Variants in SYT14 observed in about 807,000 individuals in gnomAD.
The protein encoded by SYT14 is synaptotagmin-14.
Under a neutral mutation model 74.2 loss-of-function variants are expected in SYT14, and 32 were observed. That is an observed-to-expected ratio of 0.43 (90% CI 0.33 to 0.58). The LOEUF is 0.58. Ranked by LOEUF, SYT14 falls within the 20% of genes least tolerant of loss-of-function variation. The probability of loss-of-function intolerance (pLI) is 0.05; values close to 1 mark genes in which losing one functional copy is unlikely to be tolerated. For synonymous variants in SYT14, 298 were observed against 337.7 expected (o/e 0.88, Z 1.29); for missense variants, 791 against 981.8 (o/e 0.81, Z 2.60).
chr1:210,114,505 T>G (rs2082321354), intron 7 of SYT14, among the ~76,000 whole-genome samples: 1 of 150,680 alleles, frequency 6.6e-6, no homozygotes, highest in Admixed American at 6.6e-5. Flanking sequence ...GGGAGCAGAT[T>G]GGGTAATAAA....
intron 7 of SYT14, among the ~76,000 whole-genome samples, chr1:210,135,588 T>G (rs1472398889): frequency 6.6e-6 from 1 of 152,214 alleles, no homozygotes; most frequent in African/African-American, 2.4e-5. Flanking sequence ...TTTTTATCAA[T>G]TGACTTTTTT....
At chr1:210,086,765 T>A (rs2081741707) in intron 5 of SYT14, among the ~76,000 whole-genome samples, 1 of 152,222 alleles carries the variant, frequency 6.6e-6, no homozygotes, top group Admixed American at 6.5e-5. Flanking sequence ...TGCACACATA[T>A]ATGCACATTT....
At chr1:210,079,189 C>A (rs1481241668) in intron 5 of SYT14, among the ~76,000 whole-genome samples, 2 of 151,846 alleles carry the variant, frequency 1.3e-5, no homozygotes, top group African/African-American at 4.8e-5. Flanking sequence ...CTACAGAGAT[C>A]ATTTCAATTT....
rs193204656 is a variant in SYT14 at position 210,015,700 on chromosome 1, C to A, written c.-304C>A. Reference sequence around the variant, plus strand: ...TTTTTTCAGGTGTAGAATAAAAAACCAATAGTATTTGAGGGAAAAATATTG... The same window carrying A: ...TTTTTTCAGGTGTAGAATAAAAAACAAATAGTATTTGAGGGAAAAATATTG... On this transcript the variant is annotated 5_prime_UTR_variant, in exon 4 of 10. Coordinates refer to ENST00000637265, the Ensembl canonical transcript of SYT14. 942 of 222,680 alleles carry A rather than the reference C, an allele frequency of 4.2e-3. 8 individuals carry two copies. The highest frequency in any genetic ancestry group is 0.02 in the African/African-American group (897 of 43,846). 13.8% of individuals were successfully genotyped at this position (222,680 alleles called of 1,614,324 possible).
At chr1:210,111,402 C>T (rs1431801561) in intron 7 of SYT14, among the ~76,000 whole-genome samples, 1 of 150,998 alleles carries the variant, frequency 6.6e-6, no homozygotes, top group Non-Finnish European at 1.5e-5. Context: ...CATTCAGTTA[C>T]TTCAGGCCAT....
In SYT14 at chr1:210,053,050, C is replaced by G. The variant is rs985259171; in HGVS notation, c.1312+31796C>G. On this transcript the variant is annotated intron_variant, in intron 5 of 9. Coordinates refer to ENST00000637265, the Ensembl canonical transcript of SYT14. ...TTTATTTGTACATAAGGACAAAGCC[C>G]AGATCAAAGAAGGGCAAATTACACC... Among the ~76,000 whole-genome samples the G allele has an allele frequency of 2.6e-5, 4 of 152,188 alleles. No homozygotes were observed. In the East Asian group the frequency reaches 7.7e-4, roughly 29 times the overall value.
chr1:210,135,410 G>T (rs1224231206), intron 7 of SYT14, among the ~76,000 whole-genome samples: 1 of 152,162 alleles, frequency 6.6e-6, no homozygotes, highest in Non-Finnish European at 1.5e-5. Flanking sequence ...ATCTCAGATA[G>T]ATTTTTCAGC....
intron 1 of SYT14, among the ~76,000 whole-genome samples, chr1:209,939,881 CCTTT>C (rs2078701626): frequency 6.6e-6 from 1 of 152,138 alleles, no homozygotes; most frequent in Non-Finnish European, 1.5e-5. Flanking sequence ...CTTAGTTCTT[CCTTT>C]CTTTCTACTG....
intron 7 of SYT14, among the ~76,000 whole-genome samples, chr1:210,138,265 G>A (rs1164520461): frequency 6.6e-6 from 1 of 152,138 alleles, no homozygotes; most frequent in Non-Finnish European, 1.5e-5. Context: ...CCTGTGCAGG[G>A]GAACTGCCCT....
intron 7 of SYT14, among the ~76,000 whole-genome samples, chr1:210,105,641 A>G (rs2082144485): frequency 6.6e-6 from 1 of 152,162 alleles, no homozygotes; most frequent in Non-Finnish European, 1.5e-5. Flanking sequence ...TGAAGCAGGT[A>G]ATATAGTTTG....
At chr1:210,078,241 C>T (rs1465932634) in intron 5 of SYT14, among the ~76,000 whole-genome samples, 4 of 128,006 alleles carry the variant, frequency 3.1e-5, no homozygotes, top group South Asian at 2.6e-4. Flanking sequence ...ACCCGGGAGG[C>T]AGAGCTTGCA....
chr1:210,150,959 T>C (rs188885991), intron 7 of SYT14, among the ~76,000 whole-genome samples: 229 of 152,336 alleles, frequency 1.5e-3, no homozygotes, highest in African/African-American at 4.6e-3. Flanking sequence ...TAAGTAAATG[T>C]AATGGCCACC....
intron 2 of SYT14, among the ~76,000 whole-genome samples, chr1:209,994,641 A>G (rs227195): frequency 0.54 from 82,530 of 151,892 alleles, 23,707 homozygotes; most frequent in African/African-American, 0.73. Flanking sequence ...TACAGAGAAC[A>G]CCAGCTAGAT....
intron 5 of SYT14, among the ~76,000 whole-genome samples, chr1:210,044,453 C>G (rs931679257): frequency 6.6e-6 from 1 of 152,166 alleles, no homozygotes; most frequent in African/African-American, 2.4e-5. Flanking sequence ...GGCATCTTTC[C>G]TTTTGTGGAA....
At chr1:210,038,015 C>A (rs1397638320) in intron 5 of SYT14, among the ~76,000 whole-genome samples, 1 of 151,990 alleles carries the variant, frequency 6.6e-6, no homozygotes, top group Non-Finnish European at 1.5e-5. Flanking sequence ...TCTCGATGAT[C>A]TGTCTCATGC....
chr1:210,045,554 GA>G (rs2080869580), intron 5 of SYT14, among the ~76,000 whole-genome samples: 1 of 152,130 alleles, frequency 6.6e-6, no homozygotes. Context: ...TGAAGGCATT[GA>G]AAAGAGCCGC....
At chr1:210,156,881 G>C (rs916002076) in intron 8 of SYT14, 2 of 406,766 alleles carry the variant, frequency 4.9e-6, no homozygotes, top group African/African-American at 4.1e-5. Context: ...TTTAGTAGAG[G>C]TGGGTTTTCA....
intron 5 of SYT14, among the ~76,000 whole-genome samples, chr1:210,025,879 C>T (rs751233077): frequency 1.6e-4 from 25 of 152,048 alleles, no homozygotes; most frequent in African/African-American, 2.2e-4. Context: ...AAGTTGACAG[C>T]GAAATTAATG....
chr1:210,047,686 C>T (rs564656667), intron 5 of SYT14, among the ~76,000 whole-genome samples: 123 of 152,220 alleles, frequency 8.1e-4, no homozygotes, highest in East Asian at 5.6e-3. Flanking sequence ...CGTGAGCCAC[C>T]GTGCCTGGCC....
Sources: allele counts gnomAD v4.1 joint callset (sites outside exome capture counted in the v4.1 genomes callset), GRCh38; gene constraint gnomAD v4.1.1; transcripts MANE v1.5; gene names NCBI Gene and HGNC (gene_info 2026-07-23, HGNC 2026-07-21).